Variants in EFR3B observed in about 807,000 individuals in gnomAD.
EFR3B encodes the protein protein EFR3 homolog B.
Under a neutral mutation model 104.7 loss-of-function variants are expected in EFR3B, and 64 were observed. That is an observed-to-expected ratio of 0.61 (90% CI 0.50 to 0.75). The LOEUF (loss-of-function observed/expected upper bound fraction) is 0.75, where lower values mean the gene tolerates loss of function less well. Among genes scored for constraint, EFR3B ranks in the 30% least tolerant of loss-of-function variants. The pLI is 0.00. For missense variants in EFR3B, 750 were observed against 1,078.5 expected (o/e 0.70, Z 4.27); for synonymous variants, 385 against 417.9 (o/e 0.92, Z 0.96).
intron 1 of EFR3B, among the ~76,000 whole-genome samples, chr2:25,046,123 C>T (rs887695917): frequency 8.5e-5 from 13 of 152,126 alleles, no homozygotes; most frequent in African/African-American, 1.2e-4. Flanking sequence ...CAGTGGCTCA[C>T]GCCTGTAATC....
chr2:25,051,238 A>G (rs550082948), intron 1 of EFR3B, among the ~76,000 whole-genome samples: 24 of 152,190 alleles, frequency 1.6e-4, no homozygotes, highest in African/African-American at 5.5e-4. Flanking sequence ...CAGCCTCCCG[A>G]GTAGCTAGGA....
In EFR3B at chr2:25,136,190, C is replaced by T. The variant is rs1670510614; in HGVS notation, c.1485-333C>T. Among the ~76,000 whole-genome samples the T allele has an allele frequency of 6.6e-6, 1 of 152,090 alleles. No individual in the cohort carries two copies. The highest frequency in any genetic ancestry group is 2.4e-5 in the African/African-American group (1 of 41,414). ...AAAATTAGCCGAGTGTGGTGGCTCA[C>T]ACCTGTGGTCCCAGCTCTTTGGGAG... On this transcript the variant is annotated intron_variant, in intron 13 of 22. Coordinates refer to ENST00000403714, the MANE Select transcript of EFR3B (RefSeq NM_014971.2). The surrounding 1 kb of genome is among the most constrained non-coding windows in gnomAD (Gnocchi z 4.0).
Position 25,118,959 on chromosome 2 carries a change from A to T in EFR3B, c.364-2714A>T, listed in dbSNP as rs186926383. On this transcript the variant is annotated intron_variant, in intron 4 of 22. Coordinates refer to ENST00000403714, the MANE Select transcript of EFR3B (RefSeq NM_014971.2). ...GGTGGGAGAATCAGACTCCCAAACC[A>T]GTGAACATTAATTTTGGCCATTCAT... 2.8e-3 allele frequency among the ~76,000 whole-genome samples: 424 copies of T among 152,210 alleles called. 5 individuals carry two copies. The highest frequency in any genetic ancestry group is 8.7e-4 in the Non-Finnish European group (59 of 68,016).
At chr2:25,104,808 G>C (rs867027822) in intron 4 of EFR3B, among the ~76,000 whole-genome samples, 2 of 152,212 alleles carry the variant, frequency 1.3e-5, no homozygotes, top group African/African-American at 4.8e-5. Context: ...TCAGTACCAT[G>C]AGCAGGTTCA....
chr2:25,080,193 TG>T (rs1206443714), intron 1 of EFR3B: 1 of 1,586,376 alleles, frequency 6.3e-7, no homozygotes, highest in Non-Finnish European at 8.6e-7. Flanking sequence ...CCTTTTTATC[TG>T]AAGTGATAAG....
At position 25,131,915 on chromosome 2, in the gene EFR3B, C is replaced by G; in HGVS notation, c.1147+4C>G. On this transcript the variant is annotated splice_donor_region_variant and intron_variant, in intron 10 of 22. Coordinates refer to ENST00000403714, the MANE Select transcript of EFR3B (RefSeq NM_014971.2). This position sits in a 1 kb window ranked among gnomAD's most constrained non-coding sequence, Gnocchi z 7.6. ...GAGGCCGTCATCAAGACCGTGGGTG[C>G]GGCGCGGGGCCGGGCCGGGGCGGGG... is the stretch of plus-strand genomic sequence containing the variant. 1 of 1,149,972 alleles carries G rather than the reference C, an allele frequency of 8.7e-7. No individual in the cohort carries two copies. Among genetic ancestry groups the G allele is most frequent in the Non-Finnish European group, 1.1e-6 (1 of 907,956 alleles). The allele number at this position is 1,149,972 out of a possible 1,614,324, so 71.2% of individuals were successfully genotyped here. A position where few individuals can be genotyped will look rare whatever the true frequency, so the allele number is the denominator to read the frequency against.
At chr2:25,069,257 C>T (rs1178011363) in intron 1 of EFR3B, among the ~76,000 whole-genome samples, 2 of 152,140 alleles carry the variant, frequency 1.3e-5, no homozygotes, top group Non-Finnish European at 2.9e-5. Context: ...GCCTTGGGCA[C>T]AGCAGCGAAG....
intron 19 of EFR3B, chr2:25,147,620 C>A: frequency 6.6e-6 from 1 of 152,348 alleles, no homozygotes. Context: ...TCTGTGCCCC[C>A]TCCCCTAAGG....
intron 17 of EFR3B, 50 bp from the exon 18 acceptor site, chr2:25,143,685 A>C (rs1670737589): frequency 6.5e-7 from 1 of 1,547,746 alleles, no homozygotes; most frequent in Non-Finnish European, 8.7e-7. Flanking sequence ...TTCAGAAGTC[A>C]TTCTAGATAC....
chr2:25,093,876 T>C (rs1669203807), intron 3 of EFR3B, among the ~76,000 whole-genome samples: 1 of 152,182 alleles, frequency 6.6e-6, no homozygotes, highest in Non-Finnish European at 1.5e-5. Flanking sequence ...AGGTGAAATA[T>C]TTATCAATCT....
chr2:25,081,180 A>G, intron 1 of EFR3B: 2 of 751,160 alleles, frequency 2.7e-6, no homozygotes, highest in South Asian at 1.5e-5. Context: ...CTTGGTAAAC[A>G]ACTTTTTCCC....
Position 25,139,101 on chromosome 2 carries a change from C to G in EFR3B, c.1765C>G (p.Arg589Gly). The change falls in exon 16 of 23, where the codon CGC becomes GGC. Residue 589 changes from arginine (R) to glycine (G), a missense_variant. Physicochemically the swap from Arg to Gly is moderately radical, Grantham distance 125. Coordinates refer to ENST00000403714, the MANE Select transcript of EFR3B (RefSeq NM_014971.2). The part of the protein sequence containing the change: ...VNEENLPVYN[R>G]CALYALGAAY... ...TGAGGAGAACTTGCCTGTCTACAAC[C>G]GCTGTGCCCTCTATGCTCTGGGCGC... 2 of 1,551,730 alleles carry G rather than the reference C, an allele frequency of 1.3e-6. No individual in the cohort carries two copies. The highest frequency in any genetic ancestry group is 8.7e-7 in the Non-Finnish European group (1 of 1,146,992).
At chr2:25,058,669 T>C (rs2149167714) in intron 1 of EFR3B, among the ~76,000 whole-genome samples, 1 of 150,970 alleles carries the variant, frequency 6.6e-6, no homozygotes, top group South Asian at 2.1e-4. Context: ...TGAGGCACAA[T>C]AATTGCTTGA....
At chr2:25,150,642 G>C (rs78789689) in intron 20 of EFR3B, among the ~76,000 whole-genome samples, 1 of 140,504 alleles carries the variant, frequency 7.1e-6, no homozygotes, top group East Asian at 2.1e-4. Flanking sequence ...ACAGAGTCTC[G>C]CCCTGTCACC....
chr2:25,133,299 C>A, intron 11 of EFR3B, 84 bp from the exon 12 acceptor site: 1 of 1,418,314 alleles, frequency 7.1e-7, no homozygotes, highest in Non-Finnish European at 9.8e-7. Context: ...CATGGAGAAA[C>A]GAATTGGGGT....
intron 3 of EFR3B, among the ~76,000 whole-genome samples, chr2:25,100,039 C>CA (rs1187607194): frequency 6.6e-6 from 1 of 151,908 alleles, no homozygotes; most frequent in South Asian, 2.1e-4. Flanking sequence ...CCCATCTCTA[C>CA]AAAAAATACA....
chr2:25,122,948 A>T (rs1670061736), intron 5 of EFR3B, among the ~76,000 whole-genome samples: 1 of 152,126 alleles, frequency 6.6e-6, no homozygotes, highest in African/African-American at 2.4e-5. Context: ...ATGAATGAAC[A>T]CCCTCAGACA....
rs542641015 is a variant in EFR3B at position 25,120,180 on chromosome 2, C to T, written c.364-1493C>T. Among the ~76,000 whole-genome samples, 236 of 149,206 alleles carry T rather than the reference C, an allele frequency of 1.6e-3. 1 individual carries two copies. Among genetic ancestry groups the T allele is most frequent in the African/African-American group, 5.7e-3 (224 of 39,322 alleles). On this transcript the variant is annotated intron_variant, in intron 4 of 22. Transcript: ENST00000403714. ...GACCAGCCTGATCAACATGGTGAAA[C>T]GCTGTCTCTACAAAAAAAAAATTAG...
At chr2:25,135,994 A>G (rs1265422080) in intron 13 of EFR3B, among the ~76,000 whole-genome samples, 1 of 152,068 alleles carries the variant, frequency 6.6e-6, no homozygotes, top group Non-Finnish European at 1.5e-5. Flanking sequence ...GGGGAATAAG[A>G]GGAGGAAGAA....
Sources: allele counts gnomAD v4.1 joint callset (sites outside exome capture counted in the v4.1 genomes callset), GRCh38; gene constraint gnomAD v4.1.1; non-coding constraint Gnocchi (gnomAD v3.1); transcripts MANE v1.5; gene names NCBI Gene and HGNC (gene_info 2026-07-23, HGNC 2026-07-21).